PXDNL: variants seen among roughly 807,000 people sequenced by gnomAD.
PXDNL encodes the protein probable oxidoreductase PXDNL.
Under a neutral mutation model 150.8 loss-of-function variants are expected in PXDNL, and 145 were observed. The observed-to-expected ratio is 0.96, with a 90% CI of 0.84 to 1.10. The LOEUF is 1.10. PXDNL is among the 50% of genes least tolerant of loss of function. PXDNL has a pLI of 0.00. For synonymous variants in PXDNL, 757 were observed against 725.7 expected (o/e 1.04, Z -0.69); for missense variants, 2,087 against 1,873.9 (o/e 1.11, Z -2.10).
chr8:51,735,548 T>TG (rs1563304341), intron 1 of PXDNL, among the ~76,000 whole-genome samples: 9 of 9,652 alleles, frequency 9.3e-4, no homozygotes, highest in African/African-American at 1.4e-3. Flanking sequence ...TTTTTTTTTT[T>TG]TTTTTTTTTT....
chr8:51,737,358 G>T (rs1293643459), intron 1 of PXDNL, among the ~76,000 whole-genome samples: 1 of 152,214 alleles, frequency 6.6e-6, no homozygotes, highest in Admixed American at 6.5e-5. Flanking sequence ...TGCCCAAAAA[G>T]AAGCACTGCA....
chr8:51,758,122 A>C (rs1335523402), intron 1 of PXDNL, among the ~76,000 whole-genome samples: 1 of 152,198 alleles, frequency 6.6e-6, no homozygotes, highest in East Asian at 1.9e-4. Context: ...TCTTTTTCTT[A>C]TGAAGATTTA....
At chr8:51,463,953 G>T (rs1810141695) in intron 8 of PXDNL, among the ~76,000 whole-genome samples, 1 of 151,546 alleles carries the variant, frequency 6.6e-6, no homozygotes, top group Non-Finnish European at 1.5e-5. Flanking sequence ...ATGTTAAGAG[G>T]AGAGTTTATA....
intron 1 of PXDNL, among the ~76,000 whole-genome samples, chr8:51,709,195 T>C (rs1219207619): frequency 6.6e-6 from 1 of 152,160 alleles, no homozygotes; most frequent in Non-Finnish European, 1.5e-5. Flanking sequence ...TAATGTCAGT[T>C]GGAAGTCAAA....
chr8:51,571,367 T>C (rs1032952711), intron 3 of PXDNL, among the ~76,000 whole-genome samples: 2 of 151,950 alleles, frequency 1.3e-5, no homozygotes, highest in African/African-American at 2.4e-5. Context: ...CAGAAAAATA[T>C]ATTTACATAA....
intron 4 of PXDNL, among the ~76,000 whole-genome samples, chr8:51,530,700 A>T (rs1811880562): frequency 6.6e-6 from 1 of 152,138 alleles, no homozygotes; most frequent in Admixed American, 6.5e-5. Flanking sequence ...CTCTGCGTGT[A>T]GTGCTCTGTT....
intron 5 of PXDNL, among the ~76,000 whole-genome samples, chr8:51,486,037 T>G (rs1810725783): frequency 6.6e-6 from 1 of 152,184 alleles, no homozygotes; most frequent in African/African-American, 2.4e-5. Context: ...AAATGAAAGC[T>G]TTCTTCATTA....
intron 1 of PXDNL, among the ~76,000 whole-genome samples, chr8:51,700,779 C>T (rs541987789): frequency 5.9e-5 from 9 of 152,030 alleles, no homozygotes; most frequent in African/African-American, 2.2e-4. Context: ...TACACACATA[C>T]ACACATATAA....
intron 1 of PXDNL, among the ~76,000 whole-genome samples, chr8:51,765,837 C>G (rs1227382320): frequency 8.2e-6 from 1 of 122,318 alleles, no homozygotes; most frequent in Non-Finnish European, 1.6e-5. Context: ...CATTTTAATT[C>G]CCCTGTTTAT....
rs1563471119 is a variant in PXDNL at position 51,577,991 on chromosome 8, GAAA to G, written c.308+14633_308+14635del. Among the ~76,000 whole-genome samples, 483 of 55,328 alleles carry G rather than the reference GAAA, an allele frequency of 8.7e-3. 1 individual carries two copies. The highest frequency in any genetic ancestry group is 0.013 in the Middle Eastern group (1 of 78). 36.3% of individuals were successfully genotyped at this position (55,328 alleles called of 152,430 possible). A position where few individuals can be genotyped will look rare whatever the true frequency, so the allele number is the denominator to read the frequency against. On this transcript the variant is annotated intron_variant, in intron 3 of 22. Coordinates refer to ENST00000356297, the MANE Select transcript of PXDNL (RefSeq NM_144651.5). ...AGAAAGAAAGAAAGAAAGAAAGAAA[GAAA>G]GAAAGAGGAAGGAAGGAAGGAAGGA...
intron 1 of PXDNL, among the ~76,000 whole-genome samples, chr8:51,805,015 C>T (rs1442935656): frequency 6.6e-6 from 1 of 151,808 alleles, no homozygotes; most frequent in East Asian, 1.9e-4. Context: ...TCTTCCAGCC[C>T]CTCTCCACAG....
At chr8:51,395,451 A>T (rs559447813) in intron 17 of PXDNL, among the ~76,000 whole-genome samples, 1 of 152,252 alleles carries the variant, frequency 6.6e-6, no homozygotes, top group African/African-American at 2.4e-5. Context: ...AATGCATTCA[A>T]TGCAAGAGAA....
intron 4 of PXDNL, among the ~76,000 whole-genome samples, chr8:51,516,147 A>G (rs944667522): frequency 6.6e-5 from 10 of 152,214 alleles, no homozygotes; most frequent in African/African-American, 2.4e-4. Context: ...AAAATTATGT[A>G]ACTTTAAAAA....
chr8:51,373,348 C>T (rs1807187908), intron 18 of PXDNL, among the ~76,000 whole-genome samples: 1 of 152,152 alleles, frequency 6.6e-6, no homozygotes, highest in South Asian at 2.1e-4. Flanking sequence ...GTAAGAATAA[C>T]AAATTTCTGT....
intron 3 of PXDNL, among the ~76,000 whole-genome samples, chr8:51,581,504 A>AATAC (rs1813212961): frequency 6.6e-6 from 1 of 151,970 alleles, no homozygotes; most frequent in African/African-American, 2.4e-5. Flanking sequence ...TAAATAAATA[A>AATAC]ATAAATAAAT....
At chr8:51,446,417 C>T (rs770550521) in intron 12 of PXDNL, among the ~76,000 whole-genome samples, 1 of 152,176 alleles carries the variant, frequency 6.6e-6, no homozygotes, top group African/African-American at 2.4e-5. Context: ...AAAATTTCAG[C>T]AGTAATTAAT....
chr8:51,349,023 A>T (rs1181131158), intron 19 of PXDNL, among the ~76,000 whole-genome samples: 1 of 152,166 alleles, frequency 6.6e-6, no homozygotes, highest in Non-Finnish European at 1.5e-5. Context: ...AAATGACTTA[A>T]ATTTAGATCA....
intron 3 of PXDNL, among the ~76,000 whole-genome samples, chr8:51,570,089 T>A (rs767331010): frequency 6.6e-6 from 1 of 151,920 alleles, no homozygotes; most frequent in African/African-American, 2.4e-5. Flanking sequence ...GAGAAAGACA[T>A]GAGCAGTGAG....
At chr8:51,415,593 G>A (rs1230321114) in intron 14 of PXDNL, among the ~76,000 whole-genome samples, 1 of 152,138 alleles carries the variant, frequency 6.6e-6, no homozygotes, top group African/African-American at 2.4e-5. Context: ...CATGAGATAT[G>A]GACAGGGACA....
Sources: gnomAD v4.1 joint callset for allele counts (sites outside exome capture counted in the v4.1 genomes callset) on GRCh38, gnomAD v4.1.1 for gene constraint, MANE v1.5 for transcripts, NCBI Gene and HGNC (gene_info 2026-07-23, HGNC 2026-07-21) for gene names.